The following DMD variants were observed in gnomAD, a reference collection of about 807,000 sequenced individuals.
DMD encodes mutant dystrophin.
DMD carries 63 observed loss-of-function variants against 330.1 expected under a neutral mutation model. That is an observed-to-expected ratio of 0.19 (90% CI 0.16 to 0.24). DMD has a LOEUF of 0.24. Among genes scored for constraint, DMD ranks in the 10% least tolerant of loss-of-function variants. DMD has a pLI of 1.00. For missense variants in DMD, 3,344 were observed against 2,684.1 expected (o/e 1.25, Z -5.43); for synonymous variants, 1,223 against 959.8 (o/e 1.27, Z -5.07).
At chrX:32,537,851 A>G (rs1444500367) in intron 17 of DMD, among the ~76,000 whole-genome samples, 1 of 112,376 alleles carries the variant, frequency 8.9e-6, no homozygotes, top group Non-Finnish European at 1.9e-5. Context: ...TCGTGTTGAT[A>G]TTCTTTTACG....
intron 50 of DMD, among the ~76,000 whole-genome samples, chrX:31,818,496 A>T (rs750813070): frequency 1.8e-5 from 2 of 111,446 alleles, no homozygotes; most frequent in Non-Finnish European, 3.8e-5. Context: ...TATATGGGAC[A>T]TAAACTCATG....
At chrX:32,071,582 A>G (rs1461740232) in intron 44 of DMD, among the ~76,000 whole-genome samples, 2 of 107,579 alleles carry the variant, frequency 1.9e-5, no homozygotes, top group African/African-American at 6.8e-5. Context: ...TGGGTGCAGC[A>G]CACCAACATG....
At chrX:33,192,437 A>G (rs2050709173) in intron 1 of DMD, among the ~76,000 whole-genome samples, 1 of 112,325 alleles carries the variant, frequency 8.9e-6, no homozygotes, top group South Asian at 3.6e-4. Flanking sequence ...AACGAGAAAT[A>G]CACACCTAAC....
chrX:31,726,285 T>C (rs1176572960), intron 52 of DMD, among the ~76,000 whole-genome samples: 1 of 112,363 alleles, frequency 8.9e-6, no homozygotes, highest in Non-Finnish European at 1.9e-5. Context: ...ATATTTCTAG[T>C]AGACATAAAT....
At chrX:32,754,976 C>G (rs1043833115) in intron 7 of DMD, 3 of 111,422 alleles carry the variant, frequency 2.7e-5, no homozygotes, top group Non-Finnish European at 5.6e-5. Context: ...TCATCTGGCT[C>G]CTTTACATGT....
chrX:32,484,765 T>G (rs988558671), intron 21 of DMD, among the ~76,000 whole-genome samples, 154 bp downstream of exon 21: 14 of 112,601 alleles, frequency 1.2e-4, no homozygotes, highest in African/African-American at 4.2e-4. Flanking sequence ...ACAGCTTATC[T>G]GTTACACCAG....
chrX:33,099,322 T>C (rs2095213110), intron 1 of DMD, among the ~76,000 whole-genome samples: 1 of 111,102 alleles, frequency 9.0e-6, no homozygotes, highest in Non-Finnish European at 1.9e-5. Context: ...GATCTAGTAA[T>C]TGCTCCCTCA....
At chrX:32,418,187 T>A (rs191209690) in intron 29 of DMD, among the ~76,000 whole-genome samples, 1 of 111,624 alleles carries the variant, frequency 9.0e-6, no homozygotes, top group Non-Finnish European at 1.9e-5. Context: ...ACCTGGATGA[T>A]GTAAAAGCAT....
intron 52 of DMD, among the ~76,000 whole-genome samples, chrX:31,712,051 A>T (rs2084677624): frequency 1.8e-5 from 2 of 111,368 alleles, no homozygotes; most frequent in Non-Finnish European, 3.8e-5. Flanking sequence ...TCTGTATATA[A>T]GTGTTGCTAA....
At chrX:32,059,445 A>G (rs2096206875) in intron 44 of DMD, among the ~76,000 whole-genome samples, 1 of 111,454 alleles carries the variant, frequency 9.0e-6, no homozygotes. Flanking sequence ...AAGAGATAAT[A>G]AAAGTCCAAG....
intron 59 of DMD, among the ~76,000 whole-genome samples, chrX:31,473,876 CAA>C (rs757193760): frequency 1.8e-3 from 195 of 111,280 alleles, no homozygotes; most frequent in African/African-American, 6.1e-3. Flanking sequence ...CCTAGTAATT[CAA>C]AAAGTTATTC....
At chrX:32,774,870 G>A (rs958003600) in intron 7 of DMD, among the ~76,000 whole-genome samples, 8 of 111,444 alleles carry the variant, frequency 7.2e-5, no homozygotes, top group East Asian at 2.8e-4. Context: ...AACTCATTTC[G>A]GCATTAAGTC....
intron 55 of DMD, among the ~76,000 whole-genome samples, chrX:31,530,669 T>A (rs1243084995): frequency 3.1e-4 from 24 of 77,576 alleles, no homozygotes; most frequent in South Asian, 5.9e-4. Context: ...TTTTTTTTTT[T>A]AATTTTTTTT....
At chrX:32,809,919 C>CAAAAAAAAAAAAAAAAAAA (rs55898363) in intron 6 of DMD, among the ~76,000 whole-genome samples, 5 of 28,660 alleles carry the variant, frequency 1.7e-4, no homozygotes, top group Non-Finnish European at 2.3e-4. Flanking sequence ...TTGTTTCTAC[C>CAAAAAAAAAAAAAAAAAAA]AAAAAAAAAA....
chrX:33,102,604 G>A (rs2095250376), intron 1 of DMD, among the ~76,000 whole-genome samples: 1 of 111,345 alleles, frequency 9.0e-6, no homozygotes, highest in Non-Finnish European at 1.9e-5. Flanking sequence ...TAATAATGAT[G>A]TATTTCTCTG....
chrX:31,783,930 G>A (rs1245402076), intron 50 of DMD, among the ~76,000 whole-genome samples: 1 of 111,894 alleles, frequency 8.9e-6, no homozygotes, highest in Non-Finnish European at 1.9e-5. Flanking sequence ...GCATAAAAAT[G>A]CCTTTTTAGT....
chrX:31,882,702 G>A (rs1008588653), intron 47 of DMD, among the ~76,000 whole-genome samples: 3 of 112,032 alleles, frequency 2.7e-5, no homozygotes, highest in African/African-American at 9.7e-5. Context: ...ATGGGCAAAA[G>A]ATTTGCATAA....
At chrX:32,159,840 A>G (rs748893327) in intron 44 of DMD, among the ~76,000 whole-genome samples, 3 of 111,974 alleles carry the variant, frequency 2.7e-5, no homozygotes, top group Middle Eastern at 4.2e-3. Context: ...CTGCAGGCCA[A>G]AATCATTGCT....
intron 7 of DMD, among the ~76,000 whole-genome samples, chrX:32,712,038 A>G (rs1304882478): frequency 8.9e-6 from 1 of 112,093 alleles, no homozygotes; most frequent in Admixed American, 9.5e-5. Context: ...CCTGGCATAA[A>G]GTATGTTTTC....
Sources: allele counts gnomAD v4.1 joint callset (sites outside exome capture counted in the v4.1 genomes callset), GRCh38; gene constraint gnomAD v4.1.1; transcripts MANE v1.5; gene names NCBI Gene and HGNC (gene_info 2026-07-23, HGNC 2026-07-21).